Variants in PRDM14 observed in about 807,000 individuals in gnomAD.
PRDM14 encodes PR/SET domain 14, also known as PR domain zinc finger protein 14.
A neutral mutation model predicts 48.0 loss-of-function variants in PRDM14; 16 were observed. That is an observed-to-expected ratio of 0.33 (90% CI 0.23 to 0.51). The LOEUF (loss-of-function observed/expected upper bound fraction) is 0.51. PRDM14 is among the 20% of genes least tolerant of loss of function. PRDM14 has a pLI of 0.97. For missense variants in PRDM14, 566 were observed against 719.6 expected, an observed-to-expected ratio of 0.79 and a Z score of 2.44; for synonymous variants, 264 against 276.6, an observed-to-expected ratio of 0.95 and a Z score of 0.45.
intron 2 of PRDM14, among the ~76,000 whole-genome samples, chr8:70,068,785 C>G (rs1333244506): frequency 6.6e-6 from 1 of 152,182 alleles, no homozygotes; most frequent in Non-Finnish European, 1.5e-5. Context: ...CCCCATTAGG[C>G]AAATTCAAGG....
intron 5 of PRDM14, among the ~76,000 whole-genome samples, chr8:70,060,188 C>T (rs539376468): frequency 1.3e-5 from 2 of 151,810 alleles, no homozygotes; most frequent in Non-Finnish European, 2.9e-5. Context: ...ATCGCTTGAG[C>T]CCAGGAGTTT....
chr8:70,052,163 C>A lies in PRDM14; in HGVS notation c.1630G>T (p.Asp544Tyr). Residue 544 changes from aspartate to tyrosine, a missense_variant, in exon 8 of 8, where the codon GAT becomes TAT. By Grantham distance (160) the Asp-to-Tyr change is radical. Around this residue, in one of 3 missense-constraint regions of PRDM14, gnomAD observed 126 missense variants for 271.6 expected, o/e 0.46. Coordinates refer to ENST00000276594, the MANE Select transcript of PRDM14 (RefSeq NM_024504.4). ...CCACAGATGCTGCATGAGCAGCCATCATCCTCCTTGTGTGAACGCCGGACA... is the reference window on the plus strand; with the variant it reads ...CCACAGATGCTGCATGAGCAGCCATAATCCTCCTTGTGTGAACGCCGGACA... ...SHVRRSHKEDDGCSCSICGKI... is the reference protein window; with the variant it reads ...SHVRRSHKEDYGCSCSICGKI... 2.5e-6 allele frequency: 4 copies of A among 1,613,492 alleles called. No homozygotes were observed. The South Asian group carries it at 3.3e-5, about 13-fold the overall frequency.
At chr8:70,056,975 T>C (rs1258895834) in intron 6 of PRDM14, among the ~76,000 whole-genome samples, 1 of 151,218 alleles carries the variant, frequency 6.6e-6, no homozygotes, top group African/African-American at 2.4e-5. Context: ...TTTCTTTTTT[T>C]TTTTTTTTGA....
At position 70,069,649 on chromosome 8, in the gene PRDM14, A is replaced by C; in HGVS notation, c.212T>G (p.Phe71Cys). 6.4e-7 allele frequency: 1 copy of C among 1,569,224 alleles called. No homozygotes were observed. Among genetic ancestry groups the C allele is most frequent in the Non-Finnish European group, 8.6e-7 (1 of 1,157,264 alleles). Reference protein sequence around the residue: ...SAAPAMPPFPFRMAPPLLSPG... With the variant: ...SAAPAMPPFPCRMAPPLLSPG... ...GCTCAGCAAGGGAGGCGCCATCCGGAAGGGGAAGGGGGGCATGGCGGGGGC... is the reference window on the plus strand; with the variant it reads ...GCTCAGCAAGGGAGGCGCCATCCGGCAGGGGAAGGGGGGCATGGCGGGGGC... The change falls in exon 2 of 8, where the codon TTC becomes TGC. Residue 71 changes from phenylalanine to cysteine, a missense_variant. Physicochemically the swap from Phe to Cys is radical, Grantham distance 205. Transcript: ENST00000276594.
At chr8:70,054,678 C>G (rs1394229255) in intron 7 of PRDM14, among the ~76,000 whole-genome samples, 1 of 150,464 alleles carries the variant, frequency 6.6e-6, no homozygotes, top group Non-Finnish European at 1.5e-5. Context: ...GCCACCATGC[C>G]CAGCTAATTT....
intron 6 of PRDM14, among the ~76,000 whole-genome samples, chr8:70,057,330 AT>A (rs879939829): frequency 4.9e-3 from 588 of 118,970 alleles, no homozygotes; most frequent in Middle Eastern, 0.017. Flanking sequence ...ATAAGACAAT[AT>A]TTTTTTTTTT....
Position 70,052,110 on chromosome 8 carries a change from G to T in PRDM14, c.1683C>A (p.Phe561Leu). 6.2e-7 allele frequency: 1 copy of T among 1,611,324 alleles called. No homozygotes were observed. The highest frequency in any genetic ancestry group is 8.5e-7 in the Non-Finnish European group (1 of 1,179,040). ...CTTCATGAAACTTCATGTGGGAGTA[G>T]AATGTTTCTTGATCTGAGAAGATTT... The part of the protein sequence containing the change: ...CGKIFSDQET[F>L]YSHMKFHEDY The change falls in exon 8 of 8, where the codon TTC becomes TTA. Residue 561 changes from phenylalanine to leucine, a missense_variant. By Grantham distance (22) the Phe-to-Leu change is conservative. Transcript: ENST00000276594.
Position 70,069,646 on chromosome 8 carries a change from C to A in PRDM14, c.215G>T (p.Arg72Leu), listed in dbSNP as rs533354004. The change falls in exon 2 of 8, where the codon CGG becomes CTG. Residue 72 changes from arginine (R) to leucine (L), a missense_variant. Transcript: ENST00000276594. ...CGGGCTCAGCAAGGGAGGCGCCATC[C>A]GGAAGGGGAAGGGGGGCATGGCGGG... The part of the protein sequence containing the change: ...AAPAMPPFPF[R>L]MAPPLLSPGL... 2.0e-5 allele frequency: 32 copies of A among 1,569,652 alleles called. No individual in the cohort carries two copies. The African/African-American group carries it at 3.6e-4, about 18-fold the overall frequency.
intron 6 of PRDM14, among the ~76,000 whole-genome samples, chr8:70,056,403 T>TTTC (rs1805472207): frequency 6.6e-6 from 1 of 152,196 alleles, no homozygotes; most frequent in East Asian, 1.9e-4. Flanking sequence ...CTGAGAAAGG[T>TTTC]TTCTGTGCTT....
Position 70,058,980 on chromosome 8 carries a change from A to T in PRDM14, c.1184-138T>A. 9 of 706,386 alleles carry T rather than the reference A, an allele frequency of 1.3e-5. No homozygotes were observed. In the South Asian group the frequency reaches 1.8e-4, roughly 14 times the overall value. The allele number at this position is 706,386 out of a possible 1,614,324, so 43.8% of individuals were successfully genotyped here. ...GAGGAATTTTCTTTTTTTGAGACAGAATCTTGCTGTATTGCCCAGTCTGTA... is the reference window on the plus strand; with the variant it reads ...GAGGAATTTTCTTTTTTTGAGACAGTATCTTGCTGTATTGCCCAGTCTGTA... On this transcript the variant is annotated intron_variant, in intron 5 of 7. Transcript: ENST00000276594.
chr8:70,063,788 G>A (rs762165152), intron 5 of PRDM14, among the ~76,000 whole-genome samples: 3 of 152,166 alleles, frequency 2.0e-5, no homozygotes, highest in Non-Finnish European at 2.9e-5. Context: ...CTCCCAAAGT[G>A]TTGGGGTTAC....
intron 5 of PRDM14, among the ~76,000 whole-genome samples, chr8:70,062,514 T>C (rs1294631115): frequency 1.3e-5 from 2 of 152,140 alleles, no homozygotes; most frequent in African/African-American, 4.8e-5. Flanking sequence ...TAATTTTTTT[T>C]TTTTTGAGAC....
In PRDM14 at chr8:70,069,900, C is replaced by A. The variant is rs1323840035; in HGVS notation, c.-24-16G>T. 1.3e-6 allele frequency: 2 copies of A among 1,489,486 alleles called. No individual in the cohort carries two copies. Among genetic ancestry groups the A allele is most frequent in the Middle Eastern group, 2.1e-4 (1 of 4,742 alleles). The allele number at this position is 1,489,486 out of a possible 1,614,324, so 92.3% of individuals were successfully genotyped here. On this transcript the variant is annotated splice_polypyrimidine_tract_variant and intron_variant, in intron 1 of 7. Coordinates refer to ENST00000276594, the MANE Select transcript of PRDM14 (RefSeq NM_024504.4). ...CTCGGCGGCTCTGCAGAAAAGCGGG[C>A]GCCGCTGAGGACACCGCGCGGGAGC...
At position 70,052,060 on chromosome 8, in the gene PRDM14, C is replaced by T; in HGVS notation, c.*17G>A. 2 of 1,553,508 alleles carry T rather than the reference C, an allele frequency of 1.3e-6. No homozygotes were observed. The highest frequency in any genetic ancestry group is 1.8e-6 in the Non-Finnish European group (2 of 1,136,406). Reference sequence around the variant, plus strand: ...AAGTGCTGGGATTACAGGCGTGAGTCATTGTGCCTGGCAGGGCTAGTAGTC... The same window carrying T: ...AAGTGCTGGGATTACAGGCGTGAGTTATTGTGCCTGGCAGGGCTAGTAGTC... On this transcript the variant is annotated 3_prime_UTR_variant, in exon 8 of 8. Coordinates refer to ENST00000276594, the MANE Select transcript of PRDM14 (RefSeq NM_024504.4).
At chr8:70,068,021 C>T (rs954887496) in intron 4 of PRDM14, among the ~76,000 whole-genome samples, 2 of 152,086 alleles carry the variant, frequency 1.3e-5, no homozygotes, top group Admixed American at 6.6e-5. Context: ...TTAAGGCACC[C>T]ACAAAACACA....
chr8:70,061,200 G>T (rs1805576361), intron 5 of PRDM14, among the ~76,000 whole-genome samples: 1 of 152,094 alleles, frequency 6.6e-6, no homozygotes. Context: ...GAGAACAGGG[G>T]CCACCTACAA....
At chr8:70,067,880 G>A (rs1316869090) in intron 4 of PRDM14, among the ~76,000 whole-genome samples, 1 of 151,758 alleles carries the variant, frequency 6.6e-6, no homozygotes, top group Non-Finnish European at 1.5e-5. Context: ...TTTAAAACTT[G>A]TTTTTATTCT....
At chr8:70,054,488 T>C (rs1199541429) in intron 7 of PRDM14, among the ~76,000 whole-genome samples, 1 of 151,820 alleles carries the variant, frequency 6.6e-6, no homozygotes. Flanking sequence ...TGGCCATGTT[T>C]GTGTTCTTAA....
chr8:70,069,398 C>T lies in PRDM14; in HGVS notation c.463G>A (p.Ala155Thr). The change falls in exon 2 of 8, where the codon GCG becomes ACG. Residue 155 changes from alanine (A) to threonine (T), a missense_variant. By Grantham distance (58) the Ala-to-Thr change is moderately conservative. Coordinates refer to ENST00000276594, the MANE Select transcript of PRDM14 (RefSeq NM_024504.4). Reference protein sequence around the residue: ...GPDTLIPPPPADASLLPEGLR... With the variant: ...GPDTLIPPPPTDASLLPEGLR... ...CCCTCAGGTAACAGAGAAGCATCCG[C>T]AGGGGGCGGTGGAATTAAAGTGTCA... The T allele has an allele frequency of 1.2e-6, 2 of 1,609,194 alleles. No homozygotes were observed. Among genetic ancestry groups the T allele is most frequent in the Non-Finnish European group, 1.7e-6 (2 of 1,177,554 alleles).
Sources: allele counts gnomAD v4.1 joint callset (sites outside exome capture counted in the v4.1 genomes callset), GRCh38; gene constraint gnomAD v4.1.1; regional missense constraint gnomAD v4.1.1; transcripts MANE v1.5; gene names NCBI Gene and HGNC (gene_info 2026-07-23, HGNC 2026-07-21).